The following CNPPD1 variants were observed in gnomAD, a reference collection of about 807,000 sequenced individuals.
CNPPD1 encodes cyclin Pas1/PHO80 domain containing 1.
Under a neutral mutation model 43.7 loss-of-function variants are expected in CNPPD1, and 40 were observed. The observed-to-expected ratio is 0.92, with a 90% CI of 0.71 to 1.19. CNPPD1 has a LOEUF of 1.19. Ranked by LOEUF, CNPPD1 falls within the 50% of genes most tolerant of loss-of-function variation. CNPPD1 has a pLI of 0.00. For missense variants in CNPPD1, 511 were observed against 518.5 expected (o/e 0.99, Z 0.14); for synonymous variants, 208 against 214.3 (o/e 0.97, Z 0.26).
chr2:219,178,140 G>A (rs920714782), upstream of CNPPD1: 1 of 284,490 alleles, frequency 3.5e-6, no homozygotes, highest in Admixed American at 5.3e-5. Context: ...CGCAGTGTCA[G>A]CGGCAGCCGC....
chr2:219,176,442 G>C (rs1268982776), intron 1 of CNPPD1, 111 bp from the exon 2 acceptor site: 2 of 822,850 alleles, frequency 2.4e-6, no homozygotes, highest in Non-Finnish European at 3.9e-6. Flanking sequence ...GCTGCTAGGG[G>C]GCCCGTGCCT....
At chr2:219,176,541 G>A (rs1950165343) in intron 1 of CNPPD1, among the ~76,000 whole-genome samples, 1 of 152,168 alleles carries the variant, frequency 6.6e-6, no homozygotes, top group Admixed American at 6.5e-5. Context: ...AGGGTTCCCC[G>A]GGAGAAGTTC....
chr2:219,172,493 A>ACCC lies in CNPPD1; in HGVS notation c.*90_*92dup. On this transcript the variant is annotated 3_prime_UTR_variant, in exon 8 of 8. Transcript: ENST00000360507. ...CAGGAGGACAGGGGACCTGCCAAGG[A>ACCC]CCCAGCGAGGCAGACAGGATCTGAA... is the stretch of plus-strand genomic sequence containing the variant. 1.5e-6 allele frequency: 2 copies of ACCC among 1,364,418 alleles called. No homozygotes were observed. Among genetic ancestry groups the ACCC allele is most frequent in the Non-Finnish European group, 1.0e-6 (1 of 963,202 alleles). 84.5% of individuals were successfully genotyped at this position (1,364,418 alleles called of 1,614,324 possible).
At chr2:219,174,680 A>C in intron 5 of CNPPD1, 98 bp downstream of exon 5, 1 of 1,476,552 alleles carries the variant, frequency 6.8e-7, no homozygotes, top group Non-Finnish European at 9.0e-7. Context: ...ACAGGAAGAG[A>C]AATGACGAAC....
rs999138907 is a variant in CNPPD1 at position 219,172,109 on chromosome 2, G to A, written c.*477C>T. The stretch of plus-strand genomic sequence containing the variant: ...CTTGGCTCCATTAGACTAAAGCTAA[G>A]GAATGGGAGTGAAAAGGGTTCCCTG... On this transcript the variant is annotated 3_prime_UTR_variant, in exon 8 of 8. Coordinates refer to ENST00000360507, the MANE Select transcript of CNPPD1 (RefSeq NM_015680.6). 5.8e-6 allele frequency: 1 copy of A among 172,164 alleles called. No individual in the cohort carries two copies. The highest frequency in any genetic ancestry group is 1.2e-4 in the South Asian group (1 of 8,516). 10.7% of individuals were successfully genotyped at this position (172,164 alleles called of 1,614,324 possible).
rs1950147004 is a variant in CNPPD1 at position 219,175,610 on chromosome 2, ATTTCTTCTGGAGTCGG to A, written c.225_240del (p.Arg76MetfsTer2). ...GCTCACCGGGACACATGAGCTACAT[ATTTCTTCTGGAGTCGG>A]CGAATAGGGCTGGGGGCTGCCTTCT... On this transcript the variant is annotated frameshift_variant, in exon 3 of 8. Transcript: ENST00000360507. LOFTEE classifies it high-confidence loss of function. The A allele has an allele frequency of 6.2e-7, 1 of 1,613,884 alleles. No homozygotes were observed. The highest frequency in any genetic ancestry group is 8.5e-7 in the Non-Finnish European group (1 of 1,179,904).
intron 3 of CNPPD1, 152 bp downstream of exon 3, chr2:219,175,439 G>A (rs1574772680): frequency 1.3e-6 from 1 of 792,350 alleles, no homozygotes; most frequent in Non-Finnish European, 2.1e-6. Context: ...GGAGGTTGCG[G>A]TGAGCCGAGA....
Position 219,176,285 on chromosome 2 carries a change from A to C in CNPPD1, c.116T>G (p.Leu39Arg). 1 of 1,614,138 alleles carries C rather than the reference A, an allele frequency of 6.2e-7. No homozygotes were observed. The highest frequency in any genetic ancestry group is 8.5e-7 in the Non-Finnish European group (1 of 1,179,998). Residue 39 changes from leucine (L) to arginine (R), a missense_variant, in exon 2 of 8, where the codon CTC (leucine) becomes CGC (arginine). By Grantham distance (102) the Leu-to-Arg change is moderately radical (BLOSUM62 -2). Transcript: ENST00000360507. ...QKLSARIRRR[L>R]YYGWDWEADC... ...GGCTTCCCAGTCCCAGCCATAGTAG[A>C]GCCTCCTTCGGATCCGGGCACTCAG... is the stretch of plus-strand genomic sequence containing the variant.
intron 5 of CNPPD1, 145 bp downstream of exon 5, chr2:219,174,633 T>C (rs1019669379): frequency 3.8e-5 from 44 of 1,164,126 alleles, no homozygotes; most frequent in Non-Finnish European, 4.9e-5. Flanking sequence ...ACTGAAGAGA[T>C]AGGAAAGGAA....
upstream of CNPPD1, chr2:219,178,111 G>C (rs1950207425): frequency 4.0e-6 from 1 of 250,848 alleles, no homozygotes; most frequent in Non-Finnish European, 7.3e-6. Context: ...TCGTCAACCA[G>C]AAAACGAACC....
At position 219,172,466 on chromosome 2, in the gene CNPPD1, C is replaced by T. The variant is rs1950085442; in HGVS notation, c.*120G>A. ...TGCCCCACCACCCCATAAGCTCCCACCCAGGAGGACAGGGGACCTGCCAAG... is the reference window on the plus strand; with the variant it reads ...TGCCCCACCACCCCATAAGCTCCCATCCAGGAGGACAGGGGACCTGCCAAG... On this transcript the variant is annotated 3_prime_UTR_variant, in exon 8 of 8. Coordinates refer to ENST00000360507, the MANE Select transcript of CNPPD1 (RefSeq NM_015680.6). 1 of 1,063,478 alleles carries T rather than the reference C, an allele frequency of 9.4e-7. No individual in the cohort carries two copies. The highest frequency in any genetic ancestry group is 1.9e-5 in the Admixed American group (1 of 53,146). 65.9% of individuals were successfully genotyped at this position (1,063,478 alleles called of 1,614,324 possible). A position where few individuals can be genotyped will look rare whatever the true frequency, so the allele number is the denominator to read the frequency against.
chr2:219,174,268 A>G, intron 5 of CNPPD1, 61 bp from the exon 6 acceptor site: 1 of 1,541,342 alleles, frequency 6.5e-7, no homozygotes, highest in South Asian at 1.1e-5. Flanking sequence ...ATTTAATAAT[A>G]AGAGCCATAG....
rs1559216386 is a variant in CNPPD1, at chr2:219,176,212, C to T, written c.178+11G>A. ...GCTTCTCACTTGTCCAGTCACACAA[C>T]ACTGCCTAACCTGCCACCGGGCTGG... On this transcript the variant is annotated intron_variant, in intron 2 of 7. Coordinates refer to ENST00000360507, the MANE Select transcript of CNPPD1 (RefSeq NM_015680.6). 1 of 1,597,072 alleles carries T rather than the reference C, an allele frequency of 6.3e-7. No homozygotes were observed. Among genetic ancestry groups the T allele is most frequent in the Non-Finnish European group, 8.6e-7 (1 of 1,164,518 alleles).
chr2:219,174,586 G>A (rs1253955380), intron 5 of CNPPD1, among the ~76,000 whole-genome samples, 192 bp downstream of exon 5: 1 of 152,178 alleles, frequency 6.6e-6, no homozygotes, highest in Non-Finnish European at 1.5e-5. Context: ...TCTGCTCTTG[G>A]CCTTACTGCT....
intron 5 of CNPPD1, among the ~76,000 whole-genome samples, 161 bp from the exon 6 acceptor site, chr2:219,174,368 T>C (rs1388940037): frequency 6.6e-6 from 1 of 152,164 alleles, no homozygotes; most frequent in Non-Finnish European, 1.5e-5. Context: ...CATTAACTCA[T>C]TGAATCACCA....
In CNPPD1 at chr2:219,174,185, G is replaced by A; in HGVS notation, c.533C>T (p.Pro178Leu). ...GCTCAGCACCTCAAAGATCTCCCGA[G>A]GGTCAGTGTAGAGATGCCAATCCTG... ...SAMDWHLYTD[P>L]REIFEVLSWL... Residue 178 changes from proline to leucine, a missense_variant, in exon 6 of 8, where the codon CCT (proline) becomes CTT (leucine). By Grantham distance (98) the Pro-to-Leu change is moderately conservative. Transcript: ENST00000360507. The A allele has an allele frequency of 1.2e-6, 2 of 1,614,160 alleles. No homozygotes were observed. The highest frequency in any genetic ancestry group is 2.2e-5 in the East Asian group (1 of 44,886).
upstream of CNPPD1, chr2:219,178,086 G>A (rs1950206454): frequency 4.5e-6 from 1 of 221,184 alleles, no homozygotes; most frequent in South Asian, 1.8e-4. Context: ...ACCCGGACTC[G>A]GAACCCGGGG....
chr2:219,176,604 G>A (rs1950166738), intron 1 of CNPPD1, among the ~76,000 whole-genome samples, 156 bp downstream of exon 1: 2 of 152,172 alleles, frequency 1.3e-5, no homozygotes, highest in South Asian at 2.1e-4. Flanking sequence ...ATACTCCGCG[G>A]CTCTCCCTCC....
intron 3 of CNPPD1, among the ~76,000 whole-genome samples, 164 bp downstream of exon 3, chr2:219,175,427 G>A (rs968531211): frequency 1.3e-5 from 2 of 151,946 alleles, no homozygotes; most frequent in Non-Finnish European, 2.9e-5. Context: ...AACCCAGGAG[G>A]CGGAGGTTGC....
Sources: allele counts gnomAD v4.1 joint callset (sites outside exome capture counted in the v4.1 genomes callset), GRCh38; gene constraint gnomAD v4.1.1; transcripts MANE v1.5; gene names NCBI Gene and HGNC (gene_info 2026-07-23, HGNC 2026-07-21).